The following MAPKBP1 variants were observed in gnomAD, a reference collection of about 807,000 sequenced individuals.
MAPKBP1 encodes mitogen-activated protein kinase-binding protein 1.
A neutral mutation model predicts 170.5 loss-of-function variants in MAPKBP1; 71 were observed. The ratio of observed to expected loss-of-function variants is 0.42; its 90% CI spans 0.34 to 0.51. The LOEUF is 0.51. Ranked by LOEUF, MAPKBP1 falls within the 20% of genes least tolerant of loss-of-function variation. The pLI is 0.06. For synonymous variants in MAPKBP1, 719 were observed against 757.9 expected, an observed-to-expected ratio of 0.95 and a Z score of 0.84; for missense variants, 1,598 against 1,933.0, an observed-to-expected ratio of 0.83 and a Z score of 3.25.
At position 41,826,822 on chromosome 15, in the gene MAPKBP1, A is replaced by C. The variant is rs1447975066; in HGVS notation, c.*1386A>C. 1 of 152,044 alleles carries C rather than the reference A, an allele frequency of 6.6e-6. No homozygotes were observed. Among genetic ancestry groups the C allele is most frequent in the Non-Finnish European group, 1.5e-5 (1 of 67,908 alleles). The allele number at this position is 152,044 out of a possible 1,614,324, so 9.4% of individuals were successfully genotyped here. ...TAATTAGGGGTGAGGGAAAGGAGAT[A>C]GGGGACCCTAGGAGGTAGAGTGGGA... On this transcript the variant is annotated 3_prime_UTR_variant, in exon 31 of 31. Coordinates refer to ENST00000457542, the MANE Select transcript of MAPKBP1 (RefSeq NM_014994.3).
At chr15:41,807,220 T>TAC (rs141687046) in intron 3 of MAPKBP1, among the ~76,000 whole-genome samples, 3 of 151,926 alleles carry the variant, frequency 2.0e-5, no homozygotes, top group Non-Finnish European at 2.9e-5. Flanking sequence ...GTAGTGTTCC[T>TAC]ACACACACAC....
intron 22 of MAPKBP1, 150 bp downstream of exon 22, chr15:41,819,800 G>A: frequency 1.2e-6 from 1 of 815,222 alleles, no homozygotes; most frequent in Non-Finnish European, 1.9e-6. Context: ...TGTCGGGGAA[G>A]TTGAAGCAGC....
rs1218940404 is a variant in MAPKBP1 at position 41,774,512 on chromosome 15, T to G, written c.-208T>G. The G allele has an allele frequency of 7.5e-6, 3 of 398,512 alleles. No individual in the cohort carries two copies. In the South Asian group the frequency reaches 3.8e-4, roughly 51 times the overall value. 24.7% of individuals were successfully genotyped at this position (398,512 alleles called of 1,614,324 possible). A position where few individuals can be genotyped will look rare whatever the true frequency, so the allele number is the denominator to read the frequency against. ...CCGATCGTGCCACCATAGCTCCTGC[T>G]GCTGCCTCTACCGCTGCGGCTACCG... On this transcript the variant is annotated 5_prime_UTR_variant, in exon 1 of 31. Transcript: ENST00000457542.
intron 2 of MAPKBP1, among the ~76,000 whole-genome samples, chr15:41,778,357 GA>G (rs2064130900): frequency 6.6e-6 from 1 of 152,184 alleles, no homozygotes; most frequent in African/African-American, 2.4e-5. Flanking sequence ...ACATAAGAGA[GA>G]AGAAGTCCAC....
intron 2 of MAPKBP1, among the ~76,000 whole-genome samples, chr15:41,788,906 T>C (rs568339225): frequency 2.6e-5 from 4 of 152,144 alleles, no homozygotes; most frequent in Non-Finnish European, 4.4e-5. Context: ...AGTAAGGAAA[T>C]TGATTAGAAA....
chr15:41,791,538 C>T (rs946444376), intron 2 of MAPKBP1, among the ~76,000 whole-genome samples: 6 of 152,350 alleles, frequency 3.9e-5, no homozygotes, highest in South Asian at 2.1e-4. Flanking sequence ...TCCTCTAGCT[C>T]GTGAACTGAT....
intron 2 of MAPKBP1, among the ~76,000 whole-genome samples, chr15:41,797,132 A>G (rs1320543033): frequency 6.6e-6 from 1 of 152,180 alleles, no homozygotes; most frequent in Non-Finnish European, 1.5e-5. Flanking sequence ...GCTTTAGAGA[A>G]TTAATTCTCT....
chr15:41,810,140 T>G (rs890368789), intron 3 of MAPKBP1, among the ~76,000 whole-genome samples: 16 of 152,184 alleles, frequency 1.1e-4, no homozygotes, highest in African/African-American at 3.9e-4. Flanking sequence ...GCACACATGC[T>G]TGATACACGT....
intron 8 of MAPKBP1, chr15:41,813,368 C>T: frequency 6.6e-7 from 1 of 1,523,680 alleles, no homozygotes; most frequent in Non-Finnish European, 9.1e-7. Flanking sequence ...CCTGCACCTT[C>T]CTCTCTTTCT....
rs373234035 is a variant in MAPKBP1, at chr15:41,820,817, C to G, written c.2482-15C>G. The G allele has an allele frequency of 1.2e-6, 2 of 1,605,336 alleles. No homozygotes were observed. The highest frequency in any genetic ancestry group is 2.2e-5 in the East Asian group (1 of 44,798). ...GGTTGTTGTTACTCCTCCCCCACCCCCTACCTCCCACCAGGCACAGGAGTC... is the reference window on the plus strand; with the variant it reads ...GGTTGTTGTTACTCCTCCCCCACCCGCTACCTCCCACCAGGCACAGGAGTC... On this transcript the variant is annotated splice_polypyrimidine_tract_variant and intron_variant, in intron 22 of 30. Transcript: ENST00000457542.
Position 41,823,476 on chromosome 15 carries a change from T to G in MAPKBP1, c.3628T>G (p.Ser1210Ala). ...ACATGAGGCCAGTCTGCAGGCCCCT[T>G]CACCAGGCGCACTGCTGTCTCGGGA... The part of the protein sequence containing the change: ...ERHEASLQAP[S>A]PGALLSREIE... Residue 1210 changes from serine (S) to alanine (A), a missense_variant, in exon 29 of 31, where the codon TCA (serine) becomes GCA (alanine). Coordinates refer to ENST00000457542, the MANE Select transcript of MAPKBP1 (RefSeq NM_014994.3). The G allele has an allele frequency of 6.2e-7, 1 of 1,613,628 alleles. No homozygotes were observed. The highest frequency in any genetic ancestry group is 1.1e-5 in the South Asian group (1 of 91,012).
intron 3 of MAPKBP1, among the ~76,000 whole-genome samples, chr15:41,805,929 G>A (rs537269932): frequency 6.6e-6 from 1 of 152,280 alleles, no homozygotes; most frequent in South Asian, 2.1e-4. Flanking sequence ...GCATCAAGGA[G>A]TCCTAAATGC....
At chr15:41,785,958 A>G (rs968273095) in intron 2 of MAPKBP1, among the ~76,000 whole-genome samples, 1 of 152,230 alleles carries the variant, frequency 6.6e-6, no homozygotes, top group Non-Finnish European at 1.5e-5. Context: ...GGTGTTATTC[A>G]TAAGAGTGAA....
intron 2 of MAPKBP1, among the ~76,000 whole-genome samples, chr15:41,793,827 C>T (rs892025061): frequency 5.3e-5 from 8 of 152,216 alleles, no homozygotes; most frequent in Admixed American, 2.0e-4. Flanking sequence ...CGCCTGCTGC[C>T]GTGCTTAGCA....
chr15:41,808,710 A>G (rs890041459), intron 3 of MAPKBP1, among the ~76,000 whole-genome samples: 1 of 150,436 alleles, frequency 6.6e-6, no homozygotes, highest in African/African-American at 2.5e-5. Context: ...TCCTGACCTC[A>G]GGTGATCTGC....
rs1596098169 is a variant in MAPKBP1, at chr15:41,821,138, G to A, written c.2718+70G>A. 7.9e-5 allele frequency: 113 copies of A among 1,424,372 alleles called. No individual in the cohort carries two copies. In the East Asian group the frequency reaches 2.5e-3, roughly 32 times the overall value. The allele number at this position is 1,424,372 out of a possible 1,614,324, so 88.2% of individuals were successfully genotyped here. On this transcript the variant is annotated intron_variant, in intron 23 of 30. Coordinates refer to ENST00000457542, the MANE Select transcript of MAPKBP1 (RefSeq NM_014994.3). ...TTAGGCAGCCTTTGCCACCAGCTGG[G>A]ACCTGAGCACTGGTCCAGCTATGCT... is the stretch of plus-strand genomic sequence containing the variant.
chr15:41,775,436 C>G (rs1444790113), intron 2 of MAPKBP1, 47 bp downstream of exon 2: 1 of 1,350,690 alleles, frequency 7.4e-7, no homozygotes, highest in Non-Finnish European at 1.1e-6. Context: ...CCCTCTCCTG[C>G]TCCATGTTCC....
chr15:41,815,251 C>T lies in MAPKBP1; in HGVS notation c.1171-8C>T. Reference sequence around the variant, plus strand: ...GGAGGTCTGATTGTGTTCCCTCGGCCTCTTCAGGTCTACCCCGAGGTGAAG... The same window carrying T: ...GGAGGTCTGATTGTGTTCCCTCGGCTTCTTCAGGTCTACCCCGAGGTGAAG... On this transcript the variant is annotated splice_polypyrimidine_tract_variant and splice_region_variant and intron_variant, in intron 10 of 30. Transcript: ENST00000457542. 1 of 1,614,132 alleles carries T rather than the reference C, an allele frequency of 6.2e-7. No homozygotes were observed. The highest frequency in any genetic ancestry group is 8.5e-7 in the Non-Finnish European group (1 of 1,180,016).
chr15:41,813,872 A>G (rs1028111000), intron 9 of MAPKBP1, 91 bp downstream of exon 9: 110 of 1,383,942 alleles, frequency 7.9e-5, no homozygotes, highest in Non-Finnish European at 1.0e-4. Context: ...TGAAGAGTGT[A>G]TTGATGCCCC....
Sources: gnomAD v4.1 joint callset for allele counts (sites outside exome capture counted in the v4.1 genomes callset) on GRCh38, gnomAD v4.1.1 for gene constraint, MANE v1.5 for transcripts, NCBI Gene and HGNC (gene_info 2026-07-23, HGNC 2026-07-21) for gene names.